The following XRCC4 variants were observed in gnomAD, a reference collection of about 807,000 sequenced individuals.
The protein encoded by XRCC4 is DNA repair protein XRCC4.
In XRCC4, 28 loss-of-function variants were observed where a neutral mutation model predicts 39.1. The observed-to-expected ratio is 0.72, with a 90% CI of 0.53 to 0.98. The LOEUF is 0.98. Among genes scored for constraint, XRCC4 ranks in the 50% least tolerant of loss-of-function variants. The pLI, the probability that XRCC4 is intolerant of heterozygous loss-of-function variation, is 0.00. For synonymous variants in XRCC4, 123 were observed against 126.4 expected, an observed-to-expected ratio of 0.97 and a Z score of 0.18; for missense variants, 350 against 376.4, an observed-to-expected ratio of 0.93 and a Z score of 0.58.
the XRCC4 span, among the ~76,000 whole-genome samples, chr5:83,360,438 G>C: frequency 2.0e-5 from 3 of 152,092 alleles, no homozygotes; most frequent in African/African-American, 7.2e-5. Flanking sequence ...TTTCTCTGAG[G>C]AACTAAGTTT....
intron 1 of XRCC4, among the ~76,000 whole-genome samples, chr5:83,089,376 T>G (rs1397803619): frequency 6.6e-6 from 1 of 152,246 alleles, no homozygotes; most frequent in Non-Finnish European, 1.5e-5. Context: ...CTAAGCATGA[T>G]TATCCCAATA....
At chr5:83,328,317 C>T (rs1223226757) in intron 7 of XRCC4, among the ~76,000 whole-genome samples, 1 of 152,050 alleles carries the variant, frequency 6.6e-6, no homozygotes, top group African/African-American at 2.4e-5. Flanking sequence ...GATGGGGACA[C>T]AGCCAAACCA....
intron 7 of XRCC4, among the ~76,000 whole-genome samples, chr5:83,329,390 A>C (rs1305099025): frequency 6.6e-6 from 1 of 152,162 alleles, no homozygotes; most frequent in Non-Finnish European, 1.5e-5. Context: ...ATAGCTGACA[A>C]AGAATTTGTA....
chr5:83,325,760 C>T (rs1296002048), intron 7 of XRCC4, among the ~76,000 whole-genome samples: 1 of 152,030 alleles, frequency 6.6e-6, no homozygotes, highest in East Asian at 1.9e-4. Context: ...AATAGTGCTG[C>T]AATGAACATA....
rs769225929 is a variant in XRCC4 at position 83,111,072 on chromosome 5, GA to G, written c.189del (p.Lys65AsnfsTer6). On this transcript the variant is annotated frameshift_variant, in exon 3 of 8. Transcript: ENST00000396027. LOFTEE classifies it high-confidence loss of function. ...CCAAGAAGCTGATGACATGGCAATG[GA>G]AAAAGGGAAATATGTTGGTGAACTG... is the stretch of plus-strand genomic sequence containing the variant. ...ISQEADDMAM[E>X]KGKYVGELRK... The G allele has an allele frequency of 2.4e-5, 38 of 1,611,336 alleles. No homozygotes were observed. The South Asian group carries it at 4.0e-4, about 17-fold the overall frequency.
At chr5:83,301,579 T>C (rs755213214) in intron 7 of XRCC4, among the ~76,000 whole-genome samples, 1 of 152,206 alleles carries the variant, frequency 6.6e-6, no homozygotes, top group African/African-American at 2.4e-5. Flanking sequence ...TTTAGTTTAA[T>C]TAGATCCCAT....
intron 7 of XRCC4, among the ~76,000 whole-genome samples, chr5:83,331,671 A>C (rs947183233): frequency 5.9e-5 from 9 of 152,154 alleles, no homozygotes; most frequent in African/African-American, 2.2e-4. Context: ...GTCATTGATT[A>C]GGTAGATAAA....
At chr5:83,144,687 T>A (rs374540108) in intron 3 of XRCC4, among the ~76,000 whole-genome samples, 1 of 151,894 alleles carries the variant, frequency 6.6e-6, no homozygotes, top group Non-Finnish European at 1.5e-5. Context: ...TTCCTTTTCT[T>A]CTAAGACTTT....
At chr5:83,314,796 T>A (rs1755822761) in intron 7 of XRCC4, among the ~76,000 whole-genome samples, 1 of 152,138 alleles carries the variant, frequency 6.6e-6, no homozygotes, top group Admixed American at 6.6e-5. Flanking sequence ...GTTGCATGCA[T>A]TCTGACTGCT....
At chr5:83,100,065 G>C (rs1230809052) in intron 1 of XRCC4, among the ~76,000 whole-genome samples, 1 of 152,074 alleles carries the variant, frequency 6.6e-6, no homozygotes, top group Non-Finnish European at 1.5e-5. Flanking sequence ...CATTCAAATA[G>C]TATGGTATTA....
chr5:83,101,435 A>G (rs1045679379), intron 1 of XRCC4, among the ~76,000 whole-genome samples: 7 of 152,142 alleles, frequency 4.6e-5, no homozygotes, highest in African/African-American at 1.7e-4. Context: ...GTGATTTACC[A>G]GAAGAATTGC....
chr5:83,116,698 T>G (rs1746739392), intron 3 of XRCC4, among the ~76,000 whole-genome samples: 1 of 139,750 alleles, frequency 7.2e-6, no homozygotes, highest in Admixed American at 8.1e-5. Flanking sequence ...CTCAGCTCAC[T>G]GCAACCTCTG....
chr5:83,227,856 C>A (rs1346933640), intron 6 of XRCC4, among the ~76,000 whole-genome samples: 3 of 152,016 alleles, frequency 2.0e-5, no homozygotes, highest in Non-Finnish European at 4.4e-5. Flanking sequence ...ATACAGATTT[C>A]TTCTCAGGGA....
intron 7 of XRCC4, among the ~76,000 whole-genome samples, chr5:83,303,731 A>T (rs962738226): frequency 1.3e-5 from 2 of 152,182 alleles, no homozygotes; most frequent in Non-Finnish European, 2.9e-5. Flanking sequence ...CACCACATAG[A>T]CTACTTATAT....
At chr5:83,262,969 A>C (rs1399140608) in intron 7 of XRCC4, among the ~76,000 whole-genome samples, 7 of 145,488 alleles carry the variant, frequency 4.8e-5, no homozygotes, top group African/African-American at 1.8e-4. Flanking sequence ...CATTAGGTAT[A>C]TCTCCCGATG....
intron 2 of XRCC4, among the ~76,000 whole-genome samples, chr5:83,109,748 C>A (rs553274448): frequency 6.6e-6 from 1 of 152,060 alleles, no homozygotes; most frequent in South Asian, 2.1e-4. Flanking sequence ...ACTAGATATA[C>A]TTCTAGATGA....
chr5:83,279,524 A>G (rs16900275), intron 7 of XRCC4, among the ~76,000 whole-genome samples: 5,621 of 152,222 alleles, frequency 0.037, 342 homozygotes, highest in African/African-American at 0.13. Context: ...ACCCTAAGCC[A>G]TTTGGCAGGC....
At chr5:83,175,074 A>C (rs1299507143) in intron 3 of XRCC4, among the ~76,000 whole-genome samples, 1 of 152,200 alleles carries the variant, frequency 6.6e-6, no homozygotes, top group Non-Finnish European at 1.5e-5. Flanking sequence ...AGCATTCTAC[A>C]GAAGCTTATT....
At chr5:83,080,166 C>G (rs550979532) in intron 1 of XRCC4, among the ~76,000 whole-genome samples, 5 of 152,126 alleles carry the variant, frequency 3.3e-5, no homozygotes, top group Admixed American at 6.5e-5. Flanking sequence ...AGTAGTCCCT[C>G]CTTATCTGAG....
Sources: gnomAD v4.1 joint callset for allele counts (sites outside exome capture counted in the v4.1 genomes callset) on GRCh38, gnomAD v4.1.1 for gene constraint, MANE v1.5 for transcripts, NCBI Gene and HGNC (gene_info 2026-07-23, HGNC 2026-07-21) for gene names.